FAM135B: variants seen among roughly 807,000 people sequenced by gnomAD.
FAM135B encodes protein FAM135B.
FAM135B carries 43 observed loss-of-function variants against 127.7 expected under a neutral mutation model. The observed-to-expected ratio is 0.34, with a 90% confidence interval of 0.26 to 0.43. FAM135B has a LOEUF of 0.43. FAM135B is among the 20% of genes least tolerant of loss of function. The pLI is 1.00. For missense variants in FAM135B, 1,558 were observed against 1,725.6 expected, an observed-to-expected ratio of 0.90 and a Z score of 1.72; for synonymous variants, 670 against 665.1, an observed-to-expected ratio of 1.01 and a Z score of -0.11.
At position 138,197,541 on chromosome 8, in the gene FAM135B, G is replaced by C. The variant is rs2131136724; in HGVS notation, c.798C>G (p.Ile266Met). ...RLHFLVIMRDIPELPHTELEA... is the reference protein window; with the variant it reads ...RLHFLVIMRDMPELPHTELEA... ...CCAGCTCCGTGTGTGGCAGCTCTGG[G>C]ATGTCCCGCATGATCACCAGGAAGT... is the stretch of plus-strand genomic sequence containing the variant. The change falls in exon 8 of 20, where the codon ATC (isoleucine) becomes ATG (methionine). Residue 266 changes from isoleucine to methionine, a missense_variant. Ile to Met is a conservative substitution (Grantham distance 10, BLOSUM62 1). Around this residue, in one of 5 missense-constraint regions of FAM135B, gnomAD observed 127 missense variants for 109.7 expected, o/e 1.16. Coordinates refer to ENST00000395297, the MANE Select transcript of FAM135B (RefSeq NM_015912.4). 1 of 1,614,116 alleles carries C rather than the reference G, an allele frequency of 6.2e-7. No individual in the cohort carries two copies. Among genetic ancestry groups the C allele is most frequent in the Non-Finnish European group, 8.5e-7 (1 of 1,180,016 alleles).
Position 138,243,106 on chromosome 8 carries a change from A to G in FAM135B, c.543-38T>C. On this transcript the variant is annotated intron_variant, in intron 6 of 19. Transcript: ENST00000395297. This position sits in a 1 kb window ranked among gnomAD's most constrained non-coding sequence, Gnocchi z 7.5. ...TAATTGAAAGGGTGAAAAAGGAGGT[A>G]AAGAAAGTGATGGTGCCATTAACTC... is the stretch of plus-strand genomic sequence containing the variant. The G allele has an allele frequency of 1.3e-6, 2 of 1,584,690 alleles. No homozygotes were observed. The highest frequency in any genetic ancestry group is 8.6e-7 in the Non-Finnish European group (1 of 1,165,898).
chr8:138,185,099 C>CGGGACAGGGAAAGGAGAG (rs1815428222), intron 9 of FAM135B, among the ~76,000 whole-genome samples: 1 of 152,090 alleles, frequency 6.6e-6, no homozygotes, highest in Non-Finnish European at 1.5e-5. Context: ...CCCTGACCTG[C>CGGGACAGGGAAAGGAGAG]GGGACAGGGA....
intron 1 of FAM135B, among the ~76,000 whole-genome samples, chr8:138,391,044 C>G (rs1832539651): frequency 6.6e-6 from 1 of 152,094 alleles, no homozygotes; most frequent in Non-Finnish European, 1.5e-5. Context: ...GTATTCAGGG[C>G]AGCAGCAGAT....
At chr8:138,427,502 A>G (rs1834960962) in intron 1 of FAM135B, among the ~76,000 whole-genome samples, 1 of 152,072 alleles carries the variant, frequency 6.6e-6, no homozygotes, top group African/African-American at 2.4e-5. Flanking sequence ...GACAATAATT[A>G]TGATATCTAC....
At chr8:138,333,605 T>C (rs1264174563) in intron 2 of FAM135B, among the ~76,000 whole-genome samples, 1 of 152,224 alleles carries the variant, frequency 6.6e-6, no homozygotes, top group Non-Finnish European at 1.5e-5. Flanking sequence ...CAGGTTTTCC[T>C]TAGCTAGACC....
At chr8:138,158,037 G>C (rs1257057472) in intron 12 of FAM135B, among the ~76,000 whole-genome samples, 2 of 152,178 alleles carry the variant, frequency 1.3e-5, no homozygotes, top group Non-Finnish European at 2.9e-5. Flanking sequence ...CACACTACCT[G>C]ACTTCAAGCT....
At chr8:138,235,147 C>A (rs1245044468) in intron 7 of FAM135B, among the ~76,000 whole-genome samples, 1 of 152,112 alleles carries the variant, frequency 6.6e-6, no homozygotes, top group South Asian at 2.1e-4. Flanking sequence ...TCTACAGTGG[C>A]CACTCATTGT....
intron 3 of FAM135B, among the ~76,000 whole-genome samples, chr8:138,276,179 G>GGA (rs1216738557): frequency 1.3e-5 from 2 of 152,192 alleles, no homozygotes; most frequent in Non-Finnish European, 2.9e-5. Flanking sequence ...TAAGTCATCA[G>GGA]GAGACTCAGC....
intron 1 of FAM135B, among the ~76,000 whole-genome samples, chr8:138,465,244 T>G (rs1164135874): frequency 2.0e-5 from 3 of 152,196 alleles, no homozygotes; most frequent in East Asian, 3.8e-4. Flanking sequence ...CCAAAGGTCA[T>G]CTGCCAATTG....
chr8:138,245,799 G>A (rs1191531343), intron 6 of FAM135B, among the ~76,000 whole-genome samples: 3 of 152,170 alleles, frequency 2.0e-5, no homozygotes, highest in Non-Finnish European at 4.4e-5. Flanking sequence ...AGGAAGATAG[G>A]AAAATGTGAG....
chr8:138,225,199 T>A (rs372936086), intron 7 of FAM135B, among the ~76,000 whole-genome samples: 16 of 152,282 alleles, frequency 1.1e-4, no homozygotes, highest in African/African-American at 3.6e-4. Context: ...AATTACACTG[T>A]ATCCTACAAA....
rs1820836487 is a variant in FAM135B, at chr8:138,242,122, A to C, written c.669+820T>G. 6.7e-6 allele frequency among the ~76,000 whole-genome samples: 1 copy of C among 149,448 alleles called. No individual in the cohort carries two copies. Among genetic ancestry groups the C allele is most frequent in the East Asian group, 2.0e-4 (1 of 5,076 alleles). The stretch of plus-strand genomic sequence containing the variant: ...CTGACTGAAGATTTGGGGGCTTCTC[A>C]GCCTTCAAAATCATGTGAGTCAATT... On this transcript the variant is annotated intron_variant, in intron 7 of 19. Transcript: ENST00000395297. This position sits in a 1 kb window ranked among gnomAD's most constrained non-coding sequence, Gnocchi z 9.6.
intron 3 of FAM135B, among the ~76,000 whole-genome samples, chr8:138,302,150 T>C (rs1232935842): frequency 6.6e-6 from 1 of 152,052 alleles, no homozygotes; most frequent in Non-Finnish European, 1.5e-5. Context: ...ATTATTATTA[T>C]TATTATTCCC....
chr8:138,170,319 T>C (rs867941430), intron 11 of FAM135B, among the ~76,000 whole-genome samples: 3 of 150,582 alleles, frequency 2.0e-5, no homozygotes, highest in African/African-American at 7.4e-5. Context: ...ACCTCCTGGG[T>C]TCATGCGATT....
chr8:138,340,284 C>T (rs1249723696), intron 2 of FAM135B, among the ~76,000 whole-genome samples: 1 of 152,042 alleles, frequency 6.6e-6, no homozygotes, highest in Non-Finnish European at 1.5e-5. Context: ...ACGAACGATA[C>T]AAACAGAAAG....
intron 1 of FAM135B, among the ~76,000 whole-genome samples, chr8:138,469,739 CCTAA>C (rs1401009414): frequency 6.6e-6 from 1 of 152,084 alleles, no homozygotes; most frequent in African/African-American, 2.4e-5. Flanking sequence ...GCTAATGCTA[CCTAA>C]CTAAGGATTA....
chr8:138,164,504 C>T (rs1819717865), intron 12 of FAM135B, among the ~76,000 whole-genome samples: 1 of 152,202 alleles, frequency 6.6e-6, no homozygotes, highest in African/African-American at 2.4e-5. Flanking sequence ...AAAAGCCAAG[C>T]TGGGAACTGC....
intron 9 of FAM135B, among the ~76,000 whole-genome samples, chr8:138,192,549 AGACCCT>A (rs1816226715): frequency 6.6e-6 from 1 of 152,218 alleles, no homozygotes; most frequent in South Asian, 2.1e-4. Flanking sequence ...AGATATTTGC[AGACCCT>A]GCACTTGACG....
At chr8:138,354,935 T>C (rs1039657760) in intron 2 of FAM135B, among the ~76,000 whole-genome samples, 9 of 152,238 alleles carry the variant, frequency 5.9e-5, no homozygotes, top group African/African-American at 2.2e-4. Context: ...TATGTATACA[T>C]GTGCCATGTT....
Sources: allele counts gnomAD v4.1 joint callset (sites outside exome capture counted in the v4.1 genomes callset), GRCh38; gene constraint gnomAD v4.1.1; regional missense constraint gnomAD v4.1.1; non-coding constraint Gnocchi (gnomAD v3.1); transcripts MANE v1.5; gene names NCBI Gene and HGNC (gene_info 2026-07-23, HGNC 2026-07-21).